Variants in C12orf54 observed in about 807,000 individuals in gnomAD.
C12orf54 encodes the protein chromosome 12 open reading frame 54, also known as uncharacterized protein C12orf54.
A neutral mutation model predicts 26.4 loss-of-function variants in C12orf54; 24 were observed. The observed-to-expected ratio is 0.91, with a 90% CI of 0.66 to 1.28. The LOEUF (loss-of-function observed/expected upper bound fraction) is 1.28, where lower values mean the gene tolerates loss of function less well. Among genes scored for constraint, C12orf54 ranks in the 50% most tolerant of loss-of-function variants. C12orf54 has a pLI of 0.00. For synonymous variants in C12orf54, 54 were observed against 47.0 expected (o/e 1.15, Z -0.61); for missense variants, 154 against 150.9 (o/e 1.02, Z -0.11).
upstream of C12orf54, among the ~76,000 whole-genome samples, chr12:48,480,900 A>AT (rs1485305229): frequency 6.6e-6 from 1 of 152,178 alleles, no homozygotes; most frequent in Non-Finnish European, 1.5e-5. Context: ...AAATAATGAA[A>AT]TTATATTCTT....
intron 2 of C12orf54, 125 bp downstream of exon 2, chr12:48,483,486 G>A (rs1449243583): frequency 2.6e-6 from 2 of 763,372 alleles, no homozygotes; most frequent in East Asian, 2.7e-5. Context: ...TGAATAAGAT[G>A]GGGACTTTCA....
At chr12:48,459,827 G>A in the C12orf54 span, among the ~76,000 whole-genome samples, 5 of 152,178 alleles carry the variant, frequency 3.3e-5, no homozygotes, top group Admixed American at 6.5e-5. Context: ...TAATTCTCCA[G>A]GCAGTGATGT....
chr12:48,434,785 A>T, the C12orf54 span, among the ~76,000 whole-genome samples: 1 of 152,184 alleles, frequency 6.6e-6, no homozygotes, highest in Non-Finnish European at 1.5e-5. Flanking sequence ...CAAAGACCAA[A>T]GGTAGATAAA....
In C12orf54 at chr12:48,488,943, A is replaced by T. The variant is rs371373533; in HGVS notation, c.155A>T (p.Asp52Val). 14 of 1,611,194 alleles carry T rather than the reference A, an allele frequency of 8.7e-6. No homozygotes were observed. The highest frequency in any genetic ancestry group is 1.2e-5 in the Non-Finnish European group (14 of 1,177,596). Residue 52 changes from aspartate (D) to valine (V), a missense_variant, in exon 5 of 9, where the codon GAT becomes GTT. Physicochemically the swap from Asp to Val is radical, Grantham distance 152 (BLOSUM62 -3). Transcript: ENST00000548364. The stretch of plus-strand genomic sequence containing the variant: ...TGTCAGGTGCTGACAGTTTTTAAGG[A>T]TATACAAAAGGAGGTGAGATTAGAT... ...LWDQVLTVFK[D>V]IQKELQEDAR...
At chr12:48,468,877 T>C in the C12orf54 span, among the ~76,000 whole-genome samples, 1 of 152,158 alleles carries the variant, frequency 6.6e-6, no homozygotes, top group South Asian at 2.1e-4. Context: ...AAAGAAATTT[T>C]ACATCTGGGT....
chr12:48,473,033 C>T, the C12orf54 span: 134 of 1,613,992 alleles, frequency 8.3e-5, no homozygotes, highest in Admixed American at 1.8e-4. Flanking sequence ...TTTTCACTTG[C>T]GAGGTAACCA....
At chr12:48,477,821 A>C (rs933064330), upstream of C12orf54, among the ~76,000 whole-genome samples, 1 of 152,226 alleles carries the variant, frequency 6.6e-6, no homozygotes, top group South Asian at 2.1e-4. Context: ...CAGAGGTACA[A>C]AGGGGAGATG....
the C12orf54 span, among the ~76,000 whole-genome samples, chr12:48,434,530 A>G: frequency 3.3e-5 from 5 of 152,146 alleles, no homozygotes; most frequent in African/African-American, 1.2e-4. Flanking sequence ...GGGGACTGAC[A>G]CCTCACACGG....
the C12orf54 span, among the ~76,000 whole-genome samples, chr12:48,433,810 C>A: frequency 1.3e-5 from 2 of 152,294 alleles, no homozygotes; most frequent in South Asian, 4.1e-4. Context: ...ATAGGAACAG[C>A]TCCAGCCTAC....
the C12orf54 span, among the ~76,000 whole-genome samples, chr12:48,476,977 A>T: frequency 2.0e-5 from 3 of 152,200 alleles, no homozygotes; most frequent in African/African-American, 7.2e-5. Flanking sequence ...CTATTCCAAA[A>T]TTGACCACAT....
chr12:48,414,360 G>A, the C12orf54 span, among the ~76,000 whole-genome samples: 1 of 152,220 alleles, frequency 6.6e-6, no homozygotes, highest in Non-Finnish European at 1.5e-5. Flanking sequence ...AACTCACGCA[G>A]TTCTCCGGAA....
intron 4 of C12orf54, chr12:48,488,481 C>CAAAAAAAAAAAAA (rs551426749): frequency 5.4e-6 from 1 of 186,458 alleles, no homozygotes; most frequent in Non-Finnish European, 1.0e-5. Flanking sequence ...AACTTACAGC[C>CAAAAAAAAAAAAA]AAAAAAAAAA....
the C12orf54 span, among the ~76,000 whole-genome samples, chr12:48,446,329 C>A: frequency 7.2e-5 from 11 of 152,174 alleles, no homozygotes; most frequent in African/African-American, 9.6e-5. Context: ...TATGCTGTAA[C>A]AACTCCAAAA....
chr12:48,488,592 C>A (rs1937712402), intron 4 of C12orf54: 4 of 395,290 alleles, frequency 1.0e-5, no homozygotes, highest in Non-Finnish European at 1.9e-5. Context: ...GATTTGAATA[C>A]CTATGCTAAG....
the C12orf54 span, among the ~76,000 whole-genome samples, chr12:48,476,587 G>A: frequency 6.6e-6 from 1 of 152,138 alleles, no homozygotes; most frequent in Non-Finnish European, 1.5e-5. Context: ...AAAGGCAGGG[G>A]TTGCAATCCT....
the C12orf54 span, among the ~76,000 whole-genome samples, chr12:48,417,994 C>A: frequency 3.3e-5 from 5 of 152,154 alleles, no homozygotes; most frequent in African/African-American, 1.2e-4. Context: ...TTGATGGGCA[C>A]CTAGGTTGAT....
At chr12:48,495,018 T>G in intron 8 of C12orf54, 39 bp downstream of exon 8, 3 of 1,459,256 alleles carry the variant, frequency 2.1e-6, no homozygotes, top group Non-Finnish European at 2.8e-6. Flanking sequence ...AGCTCCACCC[T>G]GCCCATCTGT....
chr12:48,494,087 CAGG>C (rs1937857370), intron 7 of C12orf54, among the ~76,000 whole-genome samples: 1 of 48,640 alleles, frequency 2.1e-5, no homozygotes, highest in Non-Finnish European at 3.8e-5. Context: ...GGCGTGGTGG[CAGG>C]TGCCTGTAAC....
chr12:48,471,836 G>T, the C12orf54 span, among the ~76,000 whole-genome samples: 1 of 152,172 alleles, frequency 6.6e-6, no homozygotes, highest in South Asian at 2.1e-4. Context: ...GCTATTTTTT[G>T]GTTCCACGTG....
Sources: allele counts gnomAD v4.1 joint callset (sites outside exome capture counted in the v4.1 genomes callset), GRCh38; gene constraint gnomAD v4.1.1; transcripts MANE v1.5; gene names NCBI Gene and HGNC (gene_info 2026-07-23, HGNC 2026-07-21).